The following CD83 variants were observed in gnomAD, a reference collection of about 807,000 sequenced individuals.
CD83 encodes CD83 antigen.
CD83 carries 22 observed loss-of-function variants against 24.6 expected under a neutral mutation model. The observed-to-expected ratio is 0.90, with a 90% confidence interval of 0.64 to 1.28. The LOEUF (loss-of-function observed/expected upper bound fraction) is 1.28, where lower values mean the gene tolerates loss of function less well. CD83 is among the 50% of genes most tolerant of loss of function. The probability of loss-of-function intolerance (pLI) is 0.00; values close to 1 mark genes in which losing one functional copy is unlikely to be tolerated. For missense variants in CD83, 253 were observed against 252.8 expected (o/e 1.00, Z -0.01); for synonymous variants, 101 against 103.5 (o/e 0.98, Z 0.14).
chr6:14,134,975 G>C (rs41271291), intron 4 of CD83, 133 bp from the exon 5 acceptor site: 12,307 of 783,186 alleles, frequency 0.016, 154 homozygotes, highest in Middle Eastern at 0.031. Context: ...CTTGTGGAGC[G>C]AGTGAGGCAG....
intron 2 of CD83, among the ~76,000 whole-genome samples, chr6:14,127,486 C>G (rs1260857590): frequency 2.0e-5 from 3 of 150,836 alleles, no homozygotes; most frequent in African/African-American, 7.3e-5. Flanking sequence ...AATATTGGTT[C>G]AGTTTCAGCC....
intron 2 of CD83, among the ~76,000 whole-genome samples, chr6:14,127,300 A>G (rs1362757382): frequency 6.6e-6 from 1 of 152,200 alleles, no homozygotes; most frequent in Non-Finnish European, 1.5e-5. Context: ...CTGCATTCTT[A>G]ACAAATCTGC....
intron 3 of CD83, among the ~76,000 whole-genome samples, chr6:14,133,117 T>C (rs1757959474): frequency 6.6e-6 from 1 of 152,244 alleles, no homozygotes; most frequent in Non-Finnish European, 1.5e-5. Flanking sequence ...GTTGACGTAT[T>C]TGGCAATATC....
At chr6:14,130,861 G>A (rs1300926070) in intron 2 of CD83, among the ~76,000 whole-genome samples, 1 of 152,176 alleles carries the variant, frequency 6.6e-6, no homozygotes, top group Non-Finnish European at 1.5e-5. Flanking sequence ...AGTTTGATAT[G>A]AGCAGCAAAT....
chr6:14,117,666 A>C, upstream of CD83: 1 of 511,244 alleles, frequency 2.0e-6, no homozygotes, highest in Non-Finnish European at 3.3e-6. This position sits in a 1 kb window ranked among gnomAD's most constrained non-coding sequence, Gnocchi z 4.6. Flanking sequence ...CGGGACTAGG[A>C]GGGCGCGCCA....
At position 14,131,663 on chromosome 6, in the gene CD83, C is replaced by T; in HGVS notation, c.297C>T (p.Ser99=). 1 of 1,614,186 alleles carries T rather than the reference C, an allele frequency of 6.2e-7. No individual in the cohort carries two copies. The highest frequency in any genetic ancestry group is 8.5e-7 in the Non-Finnish European group (1 of 1,180,026). ...PYSLKIRNTT[S]CNSGTYRCTL... is the part of the protein sequence containing the mutation. ...CCCTGAAGATCCGAAACACTACCAG[C>T]TGCAACTCGGGGACATACAGGTGCA... Residue 99 remains serine (S), a synonymous_variant, in exon 3 of 5, where the codon AGC becomes AGT. Transcript: ENST00000379153.
chr6:14,124,811 C>T (rs1182641947), intron 2 of CD83, among the ~76,000 whole-genome samples: 1 of 152,158 alleles, frequency 6.6e-6, no homozygotes, highest in Non-Finnish European at 1.5e-5. Flanking sequence ...TTGTGCCCCC[C>T]CCAAAAGATC....
chr6:14,118,170 C>A (rs1307580063), intron 2 of CD83, 105 bp downstream of exon 2: 1 of 725,822 alleles, frequency 1.4e-6, no homozygotes, highest in Non-Finnish European at 2.2e-6. Context: ...CAGGTGGGGG[C>A]GAGGGGCGTC....
At chr6:14,118,602 G>A (rs1759599189) in intron 2 of CD83, among the ~76,000 whole-genome samples, 1 of 152,146 alleles carries the variant, frequency 6.6e-6, no homozygotes, top group Admixed American at 6.5e-5. Context: ...TCTCCTTTGT[G>A]GGATACCCTT....
chr6:14,124,985 G>A (rs530277124), intron 2 of CD83, among the ~76,000 whole-genome samples: 12 of 152,162 alleles, frequency 7.9e-5, no homozygotes, highest in Non-Finnish European at 1.2e-4. Context: ...AGACAACAGG[G>A]AGAAAGCTAT....
chr6:14,120,206 G>A (rs1759639892), intron 2 of CD83, among the ~76,000 whole-genome samples: 2 of 152,294 alleles, frequency 1.3e-5, no homozygotes, highest in South Asian at 2.1e-4. Flanking sequence ...AACGAATCAG[G>A]TGCCTCGAAA....
chr6:14,123,186 T>TA (rs1349751602), intron 2 of CD83, among the ~76,000 whole-genome samples: 1 of 151,656 alleles, frequency 6.6e-6, no homozygotes, highest in Non-Finnish European at 1.5e-5. Context: ...CAACCCCCTC[T>TA]TCCAAGGTTC....
chr6:14,117,657 G>C (rs865875660), upstream of CD83: 1 of 425,138 alleles, frequency 2.4e-6, no homozygotes, highest in Non-Finnish European at 4.0e-6. The surrounding 1 kb of genome is among the most constrained non-coding windows in gnomAD (Gnocchi z 4.6). Flanking sequence ...CGGCCTAAGC[G>C]GGACTAGGAG....
intron 2 of CD83, among the ~76,000 whole-genome samples, chr6:14,130,917 C>T (rs183225185): frequency 1.6e-4 from 25 of 152,278 alleles, no homozygotes; most frequent in Admixed American, 3.3e-4. Flanking sequence ...TCAGCTGTCT[C>T]ACTGCCATAG....
chr6:14,117,708 G>A (rs1414605430), upstream of CD83: 9 of 819,630 alleles, frequency 1.1e-5, no homozygotes, highest in Middle Eastern at 3.8e-4. The surrounding 1 kb of genome is among the most constrained non-coding windows in gnomAD (Gnocchi z 4.6). Context: ...GGAATCCCCC[G>A]GGCTGGCGCG....
chr6:14,120,166 C>T (rs796192606), intron 2 of CD83, among the ~76,000 whole-genome samples: 8 of 152,220 alleles, frequency 5.3e-5, no homozygotes, highest in African/African-American at 1.9e-4. Flanking sequence ...GATTGAGATT[C>T]GTGGGTAGGA....
At chr6:14,131,132 G>A (rs1194548072) in intron 2 of CD83, among the ~76,000 whole-genome samples, 2 of 152,218 alleles carry the variant, frequency 1.3e-5, no homozygotes, top group African/African-American at 2.4e-5. Flanking sequence ...CATTCAGTGG[G>A]TGAGTTGGTA....
At chr6:14,128,441 A>C (rs146779073) in intron 2 of CD83, among the ~76,000 whole-genome samples, 2,241 of 152,296 alleles carry the variant, frequency 0.015, 85 homozygotes, top group Admixed American at 0.086. Flanking sequence ...TTAGCTGAAA[A>C]TGTATATACC....
chr6:14,131,053 T>G (rs926615917), intron 2 of CD83, among the ~76,000 whole-genome samples: 7 of 152,214 alleles, frequency 4.6e-5, no homozygotes, highest in African/African-American at 1.7e-4. Flanking sequence ...TTAGTTGAAT[T>G]GTCTGGCAAG....
Sources: gnomAD v4.1 joint callset for allele counts (sites outside exome capture counted in the v4.1 genomes callset) on GRCh38, gnomAD v4.1.1 for gene constraint, Gnocchi (gnomAD v3.1) non-coding constraint, MANE v1.5 for transcripts, NCBI Gene and HGNC (gene_info 2026-07-23, HGNC 2026-07-21) for gene names.